Variants in ADGRB3 observed in about 807,000 individuals in gnomAD.
ADGRB3 encodes adhesion G protein-coupled receptor B3.
Under a neutral mutation model 193.4 loss-of-function variants are expected in ADGRB3, and 37 were observed. That is an observed-to-expected ratio of 0.19 (90% CI 0.15 to 0.25). The LOEUF (loss-of-function observed/expected upper bound fraction) is 0.25, where lower values mean the gene tolerates loss of function less well. Ranked by LOEUF, ADGRB3 falls within the 10% of genes least tolerant of loss-of-function variation. The probability of loss-of-function intolerance (pLI) is 1.00; values close to 1 mark genes in which losing one functional copy is unlikely to be tolerated. For synonymous variants in ADGRB3, 690 were observed against 644.2 expected (o/e 1.07, Z -1.08); for missense variants, 1,637 against 1,852.9 (o/e 0.88, Z 2.14).
At chr6:69,171,169 A>G (rs1775262087) in intron 17 of ADGRB3, among the ~76,000 whole-genome samples, 1 of 152,150 alleles carries the variant, frequency 6.6e-6, no homozygotes, top group African/African-American at 2.4e-5. Context: ...ATTCCAGTGT[A>G]TATTTTACAC....
At chr6:69,100,926 G>GC (rs1409201480) in intron 17 of ADGRB3, among the ~76,000 whole-genome samples, 1 of 12,714 alleles carries the variant, frequency 7.9e-5, no homozygotes, top group African/African-American at 3.0e-4. Context: ...AGGAAGGAAG[G>GC]AGGGAGGGAG....
Position 68,942,207 on chromosome 6 carries a change from G to A in ADGRB3, c.1031-1623G>A, listed in dbSNP as rs1034215389. On this transcript the variant is annotated intron_variant, in intron 5 of 31. Transcript: ENST00000370598. ...ATCTCACAATTAAGGTATACTATGT[G>A]TGTTTCTAAAGTAACAACTTGCTAA... 1.3e-4 allele frequency among the ~76,000 whole-genome samples: 20 copies of A among 152,152 alleles called. 1 individual carries two copies. The South Asian group carries it at 1.4e-3, about 11-fold the overall frequency.
At chr6:69,070,485 T>A (rs1010086984) in intron 16 of ADGRB3, among the ~76,000 whole-genome samples, 4 of 152,210 alleles carry the variant, frequency 2.6e-5, no homozygotes, top group African/African-American at 7.2e-5. Context: ...TATGCTTTAA[T>A]GATCTATTGC....
At chr6:69,267,270 A>G (rs904022339) in intron 20 of ADGRB3, among the ~76,000 whole-genome samples, 1 of 152,102 alleles carries the variant, frequency 6.6e-6, no homozygotes, top group Non-Finnish European at 1.5e-5. Context: ...GCTAAGATGG[A>G]CCTGTCCAAA....
intron 3 of ADGRB3, among the ~76,000 whole-genome samples, chr6:68,885,263 T>A (rs1191707539): frequency 6.6e-6 from 1 of 152,176 alleles, no homozygotes; most frequent in East Asian, 1.9e-4. Context: ...TTTGAGTGCC[T>A]ACAATTTGGT....
At chr6:69,111,858 G>A (rs1232125022) in intron 17 of ADGRB3, among the ~76,000 whole-genome samples, 1 of 152,190 alleles carries the variant, frequency 6.6e-6, no homozygotes, top group Non-Finnish European at 1.5e-5. Context: ...GAGAAAATCT[G>A]AAAGAATTAC....
At chr6:69,316,867 CGGTTGGTT>C (rs913956332) in intron 20 of ADGRB3, among the ~76,000 whole-genome samples, 5 of 151,444 alleles carry the variant, frequency 3.3e-5, no homozygotes, top group Admixed American at 6.6e-5. Context: ...GAATACTGGA[CGGTTGGTT>C]GGTTGGTTGG....
intron 3 of ADGRB3, among the ~76,000 whole-genome samples, chr6:68,692,157 A>G (rs1450107851): frequency 6.6e-6 from 1 of 151,870 alleles, no homozygotes; most frequent in African/African-American, 2.4e-5. Context: ...AATAATTTCA[A>G]ATGTATTCCC....
chr6:68,704,896 ATT>A (rs1470480769), intron 3 of ADGRB3, among the ~76,000 whole-genome samples: 2 of 152,220 alleles, frequency 1.3e-5, no homozygotes, highest in Non-Finnish European at 2.9e-5. Flanking sequence ...CACAAACAAT[ATT>A]TTTAATTACG....
chr6:68,646,111 A>T (rs1464600947), intron 3 of ADGRB3, among the ~76,000 whole-genome samples: 1 of 152,252 alleles, frequency 6.6e-6, no homozygotes, highest in East Asian at 1.9e-4. Context: ...AAAATTGTTT[A>T]TCATTTGTAT....
At chr6:68,998,772 C>G (rs1769469868) in intron 11 of ADGRB3, among the ~76,000 whole-genome samples, 1 of 152,180 alleles carries the variant, frequency 6.6e-6, no homozygotes, top group Non-Finnish European at 1.5e-5. Flanking sequence ...CACTAGATCT[C>G]TAAGAGGAGA....
intron 3 of ADGRB3, among the ~76,000 whole-genome samples, chr6:68,648,464 G>GTT (rs202228765): frequency 1.6e-4 from 22 of 137,390 alleles, no homozygotes; most frequent in East Asian, 4.1e-4. Flanking sequence ...GGGAGTGTGA[G>GTT]TTTTTTTGTT....
intron 3 of ADGRB3, among the ~76,000 whole-genome samples, chr6:68,841,919 A>T (rs1005605714): frequency 4.0e-5 from 5 of 126,040 alleles, no homozygotes; most frequent in Non-Finnish European, 9.7e-5. Flanking sequence ...AATTGGTACA[A>T]AAAATAGGAA....
chr6:69,221,155 C>T (rs1765885144), intron 17 of ADGRB3, among the ~76,000 whole-genome samples: 1 of 152,040 alleles, frequency 6.6e-6, no homozygotes, highest in Non-Finnish European at 1.5e-5. Flanking sequence ...ATTTCCTATT[C>T]TTTAAATTAT....
At chr6:68,810,477 G>A (rs1767489914) in intron 3 of ADGRB3, among the ~76,000 whole-genome samples, 1 of 152,188 alleles carries the variant, frequency 6.6e-6, no homozygotes, top group Non-Finnish European at 1.5e-5. Context: ...AGATGAAATA[G>A]TAGAAAACCA....
chr6:68,709,061 T>C (rs1160061204), intron 3 of ADGRB3, among the ~76,000 whole-genome samples: 1 of 152,216 alleles, frequency 6.6e-6, no homozygotes, highest in Admixed American at 6.5e-5. Flanking sequence ...AGCTCAATGC[T>C]CTGGACATTT....
intron 17 of ADGRB3, among the ~76,000 whole-genome samples, chr6:69,129,126 A>G (rs1424350993): frequency 6.6e-6 from 1 of 152,162 alleles, no homozygotes; most frequent in East Asian, 1.9e-4. Context: ...TCACAGCTTA[A>G]TGAGGTGGGC....
intron 3 of ADGRB3, among the ~76,000 whole-genome samples, chr6:68,878,069 G>A (rs1765639062): frequency 6.6e-6 from 1 of 151,946 alleles, no homozygotes; most frequent in South Asian, 2.1e-4. Context: ...TCCTGTTGCT[G>A]TATGATTAAC....
chr6:69,100,731 T>G (rs1163714886), intron 17 of ADGRB3, among the ~76,000 whole-genome samples: 1 of 150,494 alleles, frequency 6.6e-6, no homozygotes, highest in Non-Finnish European at 1.5e-5. Flanking sequence ...ACTGTTAAAT[T>G]TTTACCCTTT....
Sources: gnomAD v4.1 joint callset for allele counts (sites outside exome capture counted in the v4.1 genomes callset) on GRCh38, gnomAD v4.1.1 for gene constraint, MANE v1.5 for transcripts, NCBI Gene and HGNC (gene_info 2026-07-23, HGNC 2026-07-21) for gene names.